SPAG16: variants seen among roughly 807,000 people sequenced by gnomAD.
SPAG16 encodes the protein sperm associated antigen 16.
Under a neutral mutation model 80.4 loss-of-function variants are expected in SPAG16, and 86 were observed. The observed-to-expected ratio is 1.07, with a 90% CI of 0.90 to 1.28. The LOEUF is 1.28. Ranked by LOEUF, SPAG16 falls within the 50% of genes most tolerant of loss-of-function variation. SPAG16 has a pLI of 0.00. For synonymous variants in SPAG16, 294 were observed against 265.9 expected (o/e 1.11, Z -1.03); for missense variants, 870 against 765.3 (o/e 1.14, Z -1.61).
At chr2:214,191,727 GA>G (rs367694225) in intron 15 of SPAG16, among the ~76,000 whole-genome samples, 28,226 of 115,798 alleles carry the variant, frequency 0.24, 2,544 homozygotes, top group South Asian at 0.34. Flanking sequence ...AAAAAAAAAA[GA>G]AAAAAAAAAA....
rs184103504 is a variant in SPAG16, at chr2:213,934,737, C to T, written c.1400+4592C>T. Among the ~76,000 whole-genome samples, 8 of 152,288 alleles carry T rather than the reference C, an allele frequency of 5.3e-5. No homozygotes were observed. In the East Asian group the frequency reaches 1.4e-3, roughly 26 times the overall value. On this transcript the variant is annotated intron_variant, in intron 12 of 15. Coordinates refer to ENST00000331683, the MANE Select transcript of SPAG16 (RefSeq NM_024532.5). ...GTTAAAGTAGCAGGTACTATTTCCT[C>T]ATTCTTGCCCCCTTGTGGTGGAATG... is the stretch of plus-strand genomic sequence containing the variant.
At chr2:214,020,718 T>A (rs2055866) in intron 13 of SPAG16, among the ~76,000 whole-genome samples, 18,567 of 152,234 alleles carry the variant, frequency 0.12, 1,575 homozygotes, top group African/African-American at 0.25. Flanking sequence ...ATCCACTAAT[T>A]ATGCAAAGGA....
intron 10 of SPAG16, among the ~76,000 whole-genome samples, chr2:213,842,011 T>C (rs922522876): frequency 2.0e-5 from 3 of 152,170 alleles, no homozygotes; most frequent in Admixed American, 6.5e-5. Flanking sequence ...AGCATTTATG[T>C]TCATTTCCAC....
At chr2:214,351,908 C>T (rs1403088981) in intron 15 of SPAG16, among the ~76,000 whole-genome samples, 7 of 152,062 alleles carry the variant, frequency 4.6e-5, no homozygotes, top group Admixed American at 4.6e-4. Context: ...AACAAAATAC[C>T]ATACACTGTG....
chr2:213,584,097 T>A (rs1450484322), intron 10 of SPAG16, among the ~76,000 whole-genome samples: 1 of 152,228 alleles, frequency 6.6e-6, no homozygotes, highest in Non-Finnish European at 1.5e-5. Flanking sequence ...CTGATGTCCT[T>A]ATAAGCACTC....
At chr2:213,607,751 G>A (rs1410470071) in intron 10 of SPAG16, among the ~76,000 whole-genome samples, 1 of 152,102 alleles carries the variant, frequency 6.6e-6, no homozygotes, top group Non-Finnish European at 1.5e-5. Flanking sequence ...GATACAATTG[G>A]GATTCTATCT....
intron 13 of SPAG16, among the ~76,000 whole-genome samples, chr2:214,051,785 T>C (rs2049657562): frequency 6.6e-6 from 1 of 152,216 alleles, no homozygotes; most frequent in Admixed American, 6.5e-5. Context: ...ACCTTTGCAA[T>C]GATCAGCCTT....
chr2:213,323,725 T>TA (rs2063727472), intron 5 of SPAG16, among the ~76,000 whole-genome samples: 1 of 152,130 alleles, frequency 6.6e-6, no homozygotes, highest in South Asian at 2.1e-4. Flanking sequence ...AGAAACAACC[T>TA]AAATGTTCAT....
intron 13 of SPAG16, among the ~76,000 whole-genome samples, chr2:214,105,136 TTAG>T (rs2053314872): frequency 6.6e-6 from 1 of 152,062 alleles, no homozygotes; most frequent in South Asian, 2.1e-4. Context: ...GGCAATGTAG[TTAG>T]TAGAGAGCCT....
At chr2:213,482,613 G>A (rs2073803034) in intron 9 of SPAG16, among the ~76,000 whole-genome samples, 1 of 151,742 alleles carries the variant, frequency 6.6e-6, no homozygotes, top group Non-Finnish European at 1.5e-5. Flanking sequence ...TGAGATTTAG[G>A]TTTAGGTATA....
intron 10 of SPAG16, among the ~76,000 whole-genome samples, chr2:213,616,770 T>C (rs2061610616): frequency 6.6e-6 from 1 of 152,200 alleles, no homozygotes; most frequent in Non-Finnish European, 1.5e-5. Flanking sequence ...TCTAGTTCAT[T>C]CTGAGTCATA....
At chr2:213,860,456 T>G (rs2075393091) in intron 10 of SPAG16, among the ~76,000 whole-genome samples, 3 of 119,358 alleles carry the variant, frequency 2.5e-5, no homozygotes, top group Non-Finnish European at 5.6e-5. Context: ...TATGTATATA[T>G]ATACAGATAT....
chr2:214,064,224 C>T (rs542135002), intron 13 of SPAG16, among the ~76,000 whole-genome samples: 4 of 151,984 alleles, frequency 2.6e-5, no homozygotes, highest in South Asian at 2.1e-4. Context: ...TAATTAATTG[C>T]GTCTGTCTAG....
rs544072245 is a variant in SPAG16 at position 214,148,986 on chromosome 2, A to C, written c.1594-154A>C. Among the ~76,000 whole-genome samples the C allele has an allele frequency of 3.5e-4, 53 of 151,332 alleles. No homozygotes were observed. The East Asian group carries it at 8.0e-3, about 23-fold the overall frequency. ...AGGAATGTAATCTTATGGCTGTAAT[A>C]AAACTGTAACACTTACCTTTTGTCT... is the stretch of plus-strand genomic sequence containing the variant. On this transcript the variant is annotated intron_variant, in intron 14 of 15. Transcript: ENST00000331683.
intron 10 of SPAG16, among the ~76,000 whole-genome samples, chr2:213,516,928 C>T (rs1033820956): frequency 2.0e-5 from 3 of 151,966 alleles, no homozygotes; most frequent in Non-Finnish European, 4.4e-5. Flanking sequence ...CTACCATCAC[C>T]GTTTGCATTA....
intron 6 of SPAG16, 135 bp downstream of exon 6, chr2:213,340,405 G>C (rs2064622752): frequency 1.5e-6 from 1 of 650,090 alleles, no homozygotes; most frequent in Non-Finnish European, 2.7e-6. Flanking sequence ...TGCGACCCTT[G>C]CTGTCAAGGG....
At chr2:213,865,466 C>T (rs900413952) in intron 11 of SPAG16, among the ~76,000 whole-genome samples, 7 of 150,328 alleles carry the variant, frequency 4.7e-5, no homozygotes, top group Admixed American at 6.6e-5. Context: ...TATCCAAAGC[C>T]GTATTCAGAG....
intron 10 of SPAG16, among the ~76,000 whole-genome samples, chr2:213,592,965 C>A (rs1257273740): frequency 6.6e-6 from 1 of 152,122 alleles, no homozygotes; most frequent in African/African-American, 2.4e-5. Flanking sequence ...TTATATTAAT[C>A]TCCACTTTAG....
Position 213,942,347 on chromosome 2 carries a change from T to C in SPAG16, c.1400+12202T>C, listed in dbSNP as rs58206498. On this transcript the variant is annotated intron_variant, in intron 12 of 15. Coordinates refer to ENST00000331683, the MANE Select transcript of SPAG16 (RefSeq NM_024532.5). ...AACTTACTACAATGTGAGATGAGTA[T>C]TTCACACCTTCCTCCTCCATATTCA... 2.3e-3 allele frequency among the ~76,000 whole-genome samples: 346 copies of C among 152,282 alleles called. 9 individuals carry two copies. In the East Asian group the frequency reaches 0.05, roughly 22 times the overall value.
Sources: allele counts gnomAD v4.1 joint callset (sites outside exome capture counted in the v4.1 genomes callset), GRCh38; gene constraint gnomAD v4.1.1; transcripts MANE v1.5; gene names NCBI Gene and HGNC (gene_info 2026-07-23, HGNC 2026-07-21).